The following CUX2 variants were observed in gnomAD, a reference collection of about 807,000 sequenced individuals.
The protein encoded by CUX2 is cut like homeobox 2.
A neutral mutation model predicts 144.8 loss-of-function variants in CUX2; 40 were observed. The observed-to-expected ratio is 0.28, with a 90% CI of 0.21 to 0.36. The LOEUF (loss-of-function observed/expected upper bound fraction) is 0.36. Among genes scored for constraint, CUX2 ranks in the 10% least tolerant of loss-of-function variants. The pLI is 1.00. For missense variants in CUX2, 1,615 were observed against 1,994.0 expected (o/e 0.81, Z 3.62); for synonymous variants, 827 against 875.6 (o/e 0.94, Z 0.98).
chr12:111,034,342 G>A lies in CUX2; in HGVS notation c.63+102G>A, dbSNP rs1592837227. The stretch of plus-strand genomic sequence containing the variant: ...GGCGGGCAGGCGGACGCCCTGGGGC[G>A]GCGGGCGGCGGCTGCCGGGGCTCGC... On this transcript the variant is annotated intron_variant, in intron 1 of 21. Coordinates refer to ENST00000261726, the MANE Select transcript of CUX2 (RefSeq NM_015267.4). This position sits in a 1 kb window ranked among gnomAD's most constrained non-coding sequence, Gnocchi z 4.2. 1 of 561,448 alleles carries A rather than the reference G, an allele frequency of 1.8e-6. No individual in the cohort carries two copies. The highest frequency in any genetic ancestry group is 7.5e-5 in the South Asian group (1 of 13,296). The allele number at this position is 561,448 out of a possible 1,614,324, so 34.8% of individuals were successfully genotyped here. A position where few individuals can be genotyped will look rare whatever the true frequency, so the allele number is the denominator to read the frequency against.
intron 1 of CUX2, among the ~76,000 whole-genome samples, chr12:111,152,293 T>A (rs983267389): frequency 3.3e-5 from 5 of 151,190 alleles, no homozygotes; most frequent in East Asian, 1.9e-4. Flanking sequence ...TCAAAAAAAA[T>A]AAATAAATAA....
chr12:111,275,591 C>A (rs764366275), intron 4 of CUX2, among the ~76,000 whole-genome samples: 1 of 152,194 alleles, frequency 6.6e-6, no homozygotes, highest in South Asian at 2.1e-4. Flanking sequence ...TCTCCTGACA[C>A]TAGGATACCA....
intron 8 of CUX2, 109 bp downstream of exon 8, chr12:111,296,648 ACCTCCTCCCTCTG>A (rs1886014783): frequency 1.2e-6 from 1 of 820,418 alleles, no homozygotes; most frequent in African/African-American, 2.2e-5. Context: ...TCCCAGACAC[ACCTCCTCCCTCTG>A]ACCCTCCAGT....
rs187097640 is a variant in CUX2 at position 111,187,749 on chromosome 12, C to G, written c.64-26451C>G. 3.2e-3 allele frequency among the ~76,000 whole-genome samples: 490 copies of G among 152,316 alleles called. 1 individual carries two copies. The highest frequency in any genetic ancestry group is 0.011 in the African/African-American group (459 of 41,574). Reference sequence around the variant, plus strand: ...GCCTGGGGTTTCTGTGGCCCCCTGTCCAGGTGACCATGGACTGGCCCACTG... The same window carrying G: ...GCCTGGGGTTTCTGTGGCCCCCTGTGCAGGTGACCATGGACTGGCCCACTG... On this transcript the variant is annotated intron_variant, in intron 1 of 21. Coordinates refer to ENST00000261726, the MANE Select transcript of CUX2 (RefSeq NM_015267.4).
At chr12:111,089,909 T>C (rs1298067268) in intron 1 of CUX2, among the ~76,000 whole-genome samples, 1 of 152,202 alleles carries the variant, frequency 6.6e-6, no homozygotes, top group Non-Finnish European at 1.5e-5. Context: ...CATGGGCAGA[T>C]AAGGAGTTTG....
intron 1 of CUX2, among the ~76,000 whole-genome samples, chr12:111,211,423 C>A (rs983547730): frequency 6.6e-6 from 1 of 152,190 alleles, no homozygotes; most frequent in African/African-American, 2.4e-5. Flanking sequence ...TGGAGGGAGT[C>A]AGGCATAATT....
intron 4 of CUX2, among the ~76,000 whole-genome samples, chr12:111,270,910 G>A (rs191431068): frequency 1.3e-5 from 2 of 152,306 alleles, no homozygotes; most frequent in Admixed American, 1.3e-4. Context: ...GTTTTGTGCT[G>A]TGTGACCTTG....
chr12:111,148,592 A>G (rs1432682843), intron 1 of CUX2, among the ~76,000 whole-genome samples: 1 of 152,236 alleles, frequency 6.6e-6, no homozygotes, highest in Non-Finnish European at 1.5e-5. Context: ...TGCTGCTACT[A>G]CTATTAATAC....
chr12:111,321,281 A>T (rs924629668), intron 17 of CUX2, among the ~76,000 whole-genome samples: 5 of 152,180 alleles, frequency 3.3e-5, no homozygotes, highest in African/African-American at 1.2e-4. Flanking sequence ...ATCCTGGCCA[A>T]CATGGTGAAA....
chr12:111,078,676 TAA>T (rs1032005466), intron 1 of CUX2, among the ~76,000 whole-genome samples: 4 of 151,898 alleles, frequency 2.6e-5, no homozygotes, highest in African/African-American at 9.7e-5. Flanking sequence ...TCTCTAAAAA[TAA>T]AAAGTCAGCG....
intron 1 of CUX2, among the ~76,000 whole-genome samples, chr12:111,134,610 C>CTGTGTG (rs1483403424): frequency 7.2e-5 from 10 of 138,280 alleles, no homozygotes; most frequent in African/African-American, 3.1e-4. Flanking sequence ...CTCTCTCTCT[C>CTGTGTG]TCTCTCTCTC....
chr12:111,334,849 G>A (rs1017696676), intron 19 of CUX2, 139 bp downstream of exon 19: 33 of 953,402 alleles, frequency 3.5e-5, no homozygotes, highest in East Asian at 3.2e-4. Flanking sequence ...AGGGAGGATC[G>A]CTTGAGGCCA....
At chr12:111,157,103 A>G (rs538970481) in intron 1 of CUX2, among the ~76,000 whole-genome samples, 2 of 151,026 alleles carry the variant, frequency 1.3e-5, no homozygotes, top group Admixed American at 6.6e-5. Flanking sequence ...TTTTTTGCAC[A>G]CTGCTTCATT....
At chr12:111,146,522 G>A (rs1876682331) in intron 1 of CUX2, among the ~76,000 whole-genome samples, 1 of 152,232 alleles carries the variant, frequency 6.6e-6, no homozygotes, top group Non-Finnish European at 1.5e-5. Context: ...ACAGATGACA[G>A]TGGGGAAAGG....
chr12:111,336,591 G>A (rs1888364378), intron 19 of CUX2, among the ~76,000 whole-genome samples: 1 of 151,798 alleles, frequency 6.6e-6, no homozygotes, highest in Non-Finnish European at 1.5e-5. Flanking sequence ...GGGATTACAG[G>A]CCTGAGCCAC....
intron 1 of CUX2, among the ~76,000 whole-genome samples, chr12:111,081,537 A>C (rs752252403): frequency 2.6e-5 from 4 of 152,174 alleles, no homozygotes; most frequent in Non-Finnish European, 5.9e-5. Flanking sequence ...TGCAAACAAC[A>C]GAAACCGACT....
At chr12:111,276,594 G>C (rs1044902743) in intron 4 of CUX2, among the ~76,000 whole-genome samples, 5 of 152,102 alleles carry the variant, frequency 3.3e-5, no homozygotes, top group Non-Finnish European at 5.9e-5. Context: ...TGGAAAAGGG[G>C]GGTGATAGTG....
chr12:111,348,196 C>T lies in CUX2; in HGVS notation c.4332C>T (p.Ala1444=). 6.2e-7 allele frequency: 1 copy of T among 1,614,112 alleles called. No individual in the cohort carries two copies. The highest frequency in any genetic ancestry group is 8.5e-7 in the Non-Finnish European group (1 of 1,180,026). ...GCCCCACTGCTGACATGGCTGGAGC[C>T]TTGCACCCCAGTGCCAAGGTGAACC... is the stretch of plus-strand genomic sequence containing the variant. The part of the protein sequence containing the change: ...SASPTADMAG[A]LHPSAKVNPN... Residue 1444 remains alanine (A), a synonymous_variant, in exon 22 of 22, where the codon GCC becomes GCT. Transcript: ENST00000261726.
intron 20 of CUX2, among the ~76,000 whole-genome samples, chr12:111,339,921 T>C (rs1361344047): frequency 1.3e-5 from 2 of 152,192 alleles, no homozygotes; most frequent in African/African-American, 4.8e-5. Context: ...GCTGGCTCAA[T>C]GTGGTGGCTC....
Sources: allele counts gnomAD v4.1 joint callset (sites outside exome capture counted in the v4.1 genomes callset), GRCh38; gene constraint gnomAD v4.1.1; non-coding constraint Gnocchi (gnomAD v3.1); transcripts MANE v1.5; gene names NCBI Gene and HGNC (gene_info 2026-07-23, HGNC 2026-07-21).